The following RAPGEF4 variants were observed in gnomAD, a reference collection of about 807,000 sequenced individuals.
The protein encoded by RAPGEF4 is RAP guanine-nucleotide-exchange factor (GEF) 4.
A neutral mutation model predicts 147.9 loss-of-function variants in RAPGEF4; 66 were observed. The ratio of observed to expected loss-of-function variants is 0.45; its 90% CI spans 0.37 to 0.55. The LOEUF (loss-of-function observed/expected upper bound fraction) is 0.55, where lower values mean the gene tolerates loss of function less well. Among genes scored for constraint, RAPGEF4 ranks in the 20% least tolerant of loss-of-function variants. RAPGEF4 has a pLI of 0.00. For missense variants in RAPGEF4, 1,071 were observed against 1,257.3 expected (o/e 0.85, Z 2.24); for synonymous variants, 419 against 442.7 (o/e 0.95, Z 0.67).
intron 6 of RAPGEF4, among the ~76,000 whole-genome samples, chr2:172,937,811 T>C (rs1172473588): frequency 6.6e-6 from 1 of 152,154 alleles, no homozygotes; most frequent in East Asian, 1.9e-4. Context: ...ATTTTTTTTA[T>C]ATCACTATGC....
intron 23 of RAPGEF4, among the ~76,000 whole-genome samples, chr2:173,022,046 G>A (rs1031223): frequency 0.97 from 147,141 of 152,068 alleles, 71,396 homozygotes; most frequent in East Asian, 1. Flanking sequence ...AAGGATTGGG[G>A]AAAAAAATGT....
chr2:173,014,267 T>C (rs560667101), intron 17 of RAPGEF4, among the ~76,000 whole-genome samples, 197 bp from the exon 18 acceptor site: 1 of 151,968 alleles, frequency 6.6e-6, no homozygotes, highest in South Asian at 2.1e-4. Flanking sequence ...CAGGCCAGAG[T>C]CAGCAGGAGT....
intron 4 of RAPGEF4, among the ~76,000 whole-genome samples, chr2:172,859,460 C>T (rs1693781234): frequency 6.6e-6 from 1 of 152,220 alleles, no homozygotes; most frequent in Non-Finnish European, 1.5e-5. Flanking sequence ...GAATTAAATA[C>T]AGCCTTTAGC....
At chr2:172,803,510 A>T (rs552291088) in intron 3 of RAPGEF4, among the ~76,000 whole-genome samples, 47 of 152,310 alleles carry the variant, frequency 3.1e-4, no homozygotes, top group African/African-American at 1.1e-3. Context: ...GGCTTGGCCC[A>T]TGAAACCATT....
intron 3 of RAPGEF4, among the ~76,000 whole-genome samples, chr2:172,809,618 G>A (rs1235824738): frequency 6.6e-6 from 1 of 152,070 alleles, no homozygotes; most frequent in Non-Finnish European, 1.5e-5. Context: ...GTAACTTTGA[G>A]CTCCTGGAAT....
At chr2:172,808,273 G>T (rs574281527) in intron 3 of RAPGEF4, among the ~76,000 whole-genome samples, 2 of 152,140 alleles carry the variant, frequency 1.3e-5, no homozygotes, top group African/African-American at 4.8e-5. Context: ...TAACTCAGAC[G>T]TACAAAGCAG....
chr2:172,977,648 C>T (rs976646759), intron 10 of RAPGEF4, among the ~76,000 whole-genome samples: 2 of 152,136 alleles, frequency 1.3e-5, no homozygotes, highest in Non-Finnish European at 2.9e-5. Flanking sequence ...ACCAGACTGA[C>T]TTTTGCTCCA....
At chr2:172,814,204 CTGCAGT>C in intron 3 of RAPGEF4, 69 bp from the exon 4 acceptor site, 3 of 1,453,342 alleles carry the variant, frequency 2.1e-6, no homozygotes, top group Non-Finnish European at 2.9e-6. Flanking sequence ...ACAAATTATA[CTGCAGT>C]TAAAGAAAAG....
intron 1 of RAPGEF4, 152 bp downstream of exon 1, chr2:172,736,200 AGACAGGAG>A: frequency 2.3e-6 from 1 of 444,256 alleles, no homozygotes; most frequent in Non-Finnish European, 3.6e-6. Flanking sequence ...CTCGTCCGGG[AGACAGGAG>A]GACAAGGATC....
chr2:172,978,173 G>A (rs1691289954), intron 10 of RAPGEF4, among the ~76,000 whole-genome samples: 1 of 151,480 alleles, frequency 6.6e-6, no homozygotes, highest in Non-Finnish European at 1.5e-5. Flanking sequence ...GCCCACGTGG[G>A]CTTCTGTGCA....
chr2:172,817,252 A>G lies in RAPGEF4; in HGVS notation c.444+2827A>G, dbSNP rs139003552. Among the ~76,000 whole-genome samples, 213 of 152,328 alleles carry G rather than the reference A, an allele frequency of 1.4e-3. 1 individual carries two copies. Among genetic ancestry groups the G allele is most frequent in the African/African-American group, 4.7e-3 (197 of 41,582 alleles). On this transcript the variant is annotated intron_variant, in intron 4 of 30. Coordinates refer to ENST00000397081, the MANE Select transcript of RAPGEF4 (RefSeq NM_007023.4). ...CTTCTATTCCGCTCAGAGGAGACAGAAAATAAAAATCATAGAATCTCAGAG... is the reference window on the plus strand; with the variant it reads ...CTTCTATTCCGCTCAGAGGAGACAGGAAATAAAAATCATAGAATCTCAGAG...
chr2:172,966,047 G>A (rs974571283), intron 9 of RAPGEF4, among the ~76,000 whole-genome samples: 1 of 152,208 alleles, frequency 6.6e-6, no homozygotes. Context: ...TGAAGTGTGT[G>A]GCTGGGCTGA....
intron 3 of RAPGEF4, among the ~76,000 whole-genome samples, chr2:172,802,359 C>T (rs1272906411): frequency 1.3e-5 from 2 of 152,090 alleles, no homozygotes; most frequent in Non-Finnish European, 2.9e-5. Context: ...TGGCAGAAGG[C>T]AAGGATGAGC....
intron 4 of RAPGEF4, among the ~76,000 whole-genome samples, chr2:172,838,213 A>G (rs1691177273): frequency 6.6e-6 from 1 of 152,134 alleles, no homozygotes; most frequent in South Asian, 2.1e-4. Flanking sequence ...ATCCTAAAAA[A>G]TGAAACATGT....
rs58011579 is a variant in RAPGEF4, at chr2:173,048,950, G to A, written c.2908+296G>A. ...GTGCAGCTGGAGACAACTAAAGTAC[G>A]ACTGCCAACAAATCCTGCCTCAAAC... On this transcript the variant is annotated intron_variant, in intron 30 of 30. Transcript: ENST00000397081. Among the ~76,000 whole-genome samples, 408 of 152,280 alleles carry A rather than the reference G, an allele frequency of 2.7e-3. 4 individuals carry two copies. The highest frequency in any genetic ancestry group is 9.4e-3 in the African/African-American group (389 of 41,540).
chr2:173,033,348 A>G (rs1697375467), intron 26 of RAPGEF4, among the ~76,000 whole-genome samples: 1 of 152,210 alleles, frequency 6.6e-6, no homozygotes, highest in Non-Finnish European at 1.5e-5. Context: ...AATTTTTTCC[A>G]TCTGTAAAAC....
chr2:172,829,824 C>T (rs986527290), intron 4 of RAPGEF4, among the ~76,000 whole-genome samples: 1 of 149,478 alleles, frequency 6.7e-6, no homozygotes, highest in African/African-American at 2.4e-5. Flanking sequence ...TCATTTAGTC[C>T]TCTGGCAGGT....
intron 4 of RAPGEF4, chr2:172,890,004 A>C (rs751731999): frequency 4.7e-6 from 1 of 213,988 alleles, no homozygotes; most frequent in African/African-American, 2.4e-5. Context: ...TACAGTTGTC[A>C]AGCTCAAATG....
chr2:172,762,603 G>A (rs1696452329), intron 1 of RAPGEF4, among the ~76,000 whole-genome samples: 1 of 152,194 alleles, frequency 6.6e-6, no homozygotes, highest in Non-Finnish European at 1.5e-5. Context: ...CCCAGTTAGA[G>A]GCAGGGGACA....
Sources: gnomAD v4.1 joint callset for allele counts (sites outside exome capture counted in the v4.1 genomes callset) on GRCh38, gnomAD v4.1.1 for gene constraint, MANE v1.5 for transcripts, NCBI Gene and HGNC (gene_info 2026-07-23, HGNC 2026-07-21) for gene names.